Variants in BCKDHB observed in about 807,000 individuals in gnomAD.
BCKDHB encodes the protein 2-oxoisovalerate dehydrogenase subunit beta, mitochondrial.
In BCKDHB, 41 loss-of-function variants were observed where a neutral mutation model predicts 48.5. The ratio of observed to expected loss-of-function variants is 0.85; its 90% CI spans 0.66 to 1.10. The LOEUF is 1.10. BCKDHB is among the 50% of genes least tolerant of loss of function. The probability of loss-of-function intolerance (pLI) is 0.00; values close to 1 mark genes in which losing one functional copy is unlikely to be tolerated. For synonymous variants in BCKDHB, 201 were observed against 174.8 expected, an observed-to-expected ratio of 1.15 and a Z score of -1.18; for missense variants, 496 against 494.2, an observed-to-expected ratio of 1.00 and a Z score of -0.03.
chr6:80,154,390 ATC>A (rs1771936631), intron 3 of BCKDHB, among the ~76,000 whole-genome samples: 1 of 152,128 alleles, frequency 6.6e-6, no homozygotes, highest in Non-Finnish European at 1.5e-5. Context: ...GCTTGATACT[ATC>A]TCTTACAACA....
At chr6:80,134,031 GAGAA>G (rs1241149899) in intron 3 of BCKDHB, among the ~76,000 whole-genome samples, 3 of 152,164 alleles carry the variant, frequency 2.0e-5, no homozygotes, top group Non-Finnish European at 4.4e-5. Flanking sequence ...CTGAGAGAGA[GAGAA>G]AGAGAAAGAG....
chr6:80,288,149 A>G (rs1410079277), intron 9 of BCKDHB, among the ~76,000 whole-genome samples: 4 of 152,134 alleles, frequency 2.6e-5, no homozygotes, highest in Admixed American at 2.6e-4. Flanking sequence ...TGAAGATAAA[A>G]TATAATTATA....
intron 8 of BCKDHB, among the ~76,000 whole-genome samples, chr6:80,239,932 T>C (rs913193346): frequency 6.6e-6 from 1 of 152,214 alleles, no homozygotes; most frequent in African/African-American, 2.4e-5. Context: ...GTGTTACTTC[T>C]GAGGGCTCTG....
chr6:80,314,812 T>C (rs1471855971), intron 9 of BCKDHB, among the ~76,000 whole-genome samples: 1 of 152,144 alleles, frequency 6.6e-6, no homozygotes, highest in East Asian at 1.9e-4. Context: ...AGGCCTCTGG[T>C]GGGAGGTCCC....
the BCKDHB span, among the ~76,000 whole-genome samples, chr6:80,380,423 A>G: frequency 1.3e-3 from 193 of 152,076 alleles, 2 homozygotes; most frequent in African/African-American, 4.4e-3. Flanking sequence ...CTTACTATAT[A>G]AAAAAATTAA....
intron 9 of BCKDHB, among the ~76,000 whole-genome samples, chr6:80,340,783 G>A (rs1484867822): frequency 3.9e-5 from 6 of 152,052 alleles, no homozygotes; most frequent in Non-Finnish European, 8.8e-5. Flanking sequence ...CTGTGTGTGT[G>A]TGTGTGTTTG....
intron 1 of BCKDHB, among the ~76,000 whole-genome samples, chr6:80,107,516 T>TATATATATATGC (rs755301848): frequency 0.2 from 9,308 of 45,688 alleles, 599 homozygotes; most frequent in African/African-American, 0.27. Flanking sequence ...TATGTGCGCA[T>TATATATATATGC]ATATATATAT....
At chr6:80,441,752 C>G in the BCKDHB span, among the ~76,000 whole-genome samples, 1 of 152,034 alleles carries the variant, frequency 6.6e-6, no homozygotes, top group Non-Finnish European at 1.5e-5. Context: ...AGTTCTTAAC[C>G]TATTTGACCT....
At chr6:80,223,817 G>C (rs1472339308) in intron 8 of BCKDHB, among the ~76,000 whole-genome samples, 2 of 152,128 alleles carry the variant, frequency 1.3e-5, no homozygotes, top group African/African-American at 2.4e-5. Flanking sequence ...ATGTCTCTCC[G>C]TGTGGTTAAA....
the BCKDHB span, among the ~76,000 whole-genome samples, chr6:80,359,466 G>A: frequency 1.3e-5 from 2 of 152,196 alleles, no homozygotes; most frequent in Non-Finnish European, 2.9e-5. Context: ...TGTTGTGTTT[G>A]TGTCCTCCTG....
At chr6:80,232,067 G>C (rs373174979) in intron 8 of BCKDHB, among the ~76,000 whole-genome samples, 1 of 152,122 alleles carries the variant, frequency 6.6e-6, no homozygotes, top group Non-Finnish European at 1.5e-5. Context: ...TCAACTTAGC[G>C]TCATTACAGC....
At chr6:80,398,793 G>A in the BCKDHB span, among the ~76,000 whole-genome samples, 145,311 of 152,164 alleles carry the variant, frequency 0.95, 69,754 homozygotes, top group Middle Eastern at 1. Flanking sequence ...AAAAACAACA[G>A]CAAAAAAACT....
the BCKDHB span, among the ~76,000 whole-genome samples, chr6:80,384,358 T>TG: frequency 8.6e-5 from 13 of 151,600 alleles, no homozygotes; most frequent in Non-Finnish European, 1.8e-4. Flanking sequence ...CTTTTTTTTT[T>TG]TTTTTGTTGT....
rs888167239 is a variant in BCKDHB, at chr6:80,317,912, TGGCTG to T, written c.1039-25751_1039-25747del. ...TCTATTGGTGTAACAGACTGGATTT[TGGCTG>T]TCTCTCCCTCTACTTTCCTCCAGCA... On this transcript the variant is annotated intron_variant, in intron 9 of 9. Transcript: ENST00000320393. Among the ~76,000 whole-genome samples, 15 of 152,322 alleles carry T rather than the reference TGGCTG, an allele frequency of 9.8e-5. 1 individual carries two copies. The highest frequency in any genetic ancestry group is 9.1e-4 in the Admixed American group (14 of 15,302).
the BCKDHB span, among the ~76,000 whole-genome samples, chr6:80,357,360 T>G: frequency 6.6e-6 from 1 of 152,074 alleles, no homozygotes; most frequent in African/African-American, 2.4e-5. Flanking sequence ...TGAAACAGAA[T>G]GGAGAGGGGA....
chr6:80,420,855 T>C, the BCKDHB span, among the ~76,000 whole-genome samples: 2 of 152,186 alleles, frequency 1.3e-5, no homozygotes, highest in African/African-American at 2.4e-5. Context: ...TTAATTTTCA[T>C]TTTCCCCTGT....
At chr6:80,428,491 G>A in the BCKDHB span, among the ~76,000 whole-genome samples, 3 of 152,272 alleles carry the variant, frequency 2.0e-5, no homozygotes, top group East Asian at 5.8e-4. Context: ...CCCACCAACA[G>A]TGTGAAAGTG....
chr6:80,265,432 G>A (rs1031957638), intron 8 of BCKDHB, among the ~76,000 whole-genome samples: 4 of 152,048 alleles, frequency 2.6e-5, no homozygotes, highest in East Asian at 1.9e-4. Flanking sequence ...ATTATGCAAC[G>A]TGAAATAAGG....
At chr6:80,423,759 A>C in the BCKDHB span, among the ~76,000 whole-genome samples, 2 of 152,236 alleles carry the variant, frequency 1.3e-5, no homozygotes, top group Non-Finnish European at 2.9e-5. Flanking sequence ...CTGACAAATT[A>C]TATTATAGTG....
Sources: allele counts gnomAD v4.1 joint callset (sites outside exome capture counted in the v4.1 genomes callset), GRCh38; gene constraint gnomAD v4.1.1; transcripts MANE v1.5; gene names NCBI Gene and HGNC (gene_info 2026-07-23, HGNC 2026-07-21).